The following SORCS1 variants were observed in gnomAD, a reference collection of about 807,000 sequenced individuals.
SORCS1 encodes the protein VPS10 domain-containing receptor SorCS1.
A neutral mutation model predicts 146.1 loss-of-function variants in SORCS1; 60 were observed. That is an observed-to-expected ratio of 0.41 (90% CI 0.33 to 0.51). SORCS1 has a LOEUF of 0.51. Ranked by LOEUF, SORCS1 falls within the 20% of genes least tolerant of loss-of-function variation. The pLI, the probability that SORCS1 is intolerant of heterozygous loss-of-function variation, is 0.21. For synonymous variants in SORCS1, 637 were observed against 584.0 expected (o/e 1.09, Z -1.31); for missense variants, 1,352 against 1,487.6 (o/e 0.91, Z 1.50).
At chr10:106,879,725 T>C (rs1181556988) in intron 2 of SORCS1, among the ~76,000 whole-genome samples, 2 of 152,140 alleles carry the variant, frequency 1.3e-5, no homozygotes, top group East Asian at 3.8e-4. Context: ...CTGTGGGTGG[T>C]GTGAAGGAGC....
chr10:106,749,918 C>T (rs544585632), intron 5 of SORCS1, among the ~76,000 whole-genome samples: 3 of 152,266 alleles, frequency 2.0e-5, no homozygotes, highest in South Asian at 2.1e-4. Context: ...CAATGTCACA[C>T]CCCTTGAAAA....
chr10:107,085,843 G>C (rs1963717215), intron 1 of SORCS1, among the ~76,000 whole-genome samples: 1 of 152,160 alleles, frequency 6.6e-6, no homozygotes, highest in Non-Finnish European at 1.5e-5. Context: ...TTACGCCGAG[G>C]CAACTGCATT....
intron 5 of SORCS1, among the ~76,000 whole-genome samples, chr10:106,741,372 G>C (rs2136107240): frequency 6.6e-6 from 1 of 152,308 alleles, no homozygotes; most frequent in Middle Eastern, 3.4e-3. Flanking sequence ...GCTAAGGCAG[G>C]TGGATTGTTT....
chr10:106,649,532 C>T (rs772008177), intron 18 of SORCS1, among the ~76,000 whole-genome samples: 89 of 152,168 alleles, frequency 5.8e-4, no homozygotes, highest in Non-Finnish European at 1.2e-3. Flanking sequence ...TTTTAAACAC[C>T]TCTGTTTGAT....
At chr10:107,051,373 C>T (rs1276548191) in intron 1 of SORCS1, among the ~76,000 whole-genome samples, 3 of 152,086 alleles carry the variant, frequency 2.0e-5, no homozygotes, top group Non-Finnish European at 4.4e-5. Flanking sequence ...GCCATTTTGT[C>T]AAGTCCATAG....
chr10:106,795,618 C>T (rs565454804), intron 3 of SORCS1, among the ~76,000 whole-genome samples: 1 of 152,270 alleles, frequency 6.6e-6, no homozygotes, highest in South Asian at 2.1e-4. Context: ...TGATCAAATC[C>T]ATAACATTCT....
At chr10:107,148,418 T>A (rs549543726) in intron 1 of SORCS1, among the ~76,000 whole-genome samples, 1 of 152,194 alleles carries the variant, frequency 6.6e-6, no homozygotes, top group Non-Finnish European at 1.5e-5. Flanking sequence ...AGATTTTATA[T>A]CAAATAATTT....
At chr10:107,156,464 T>C (rs1004319944) in intron 1 of SORCS1, among the ~76,000 whole-genome samples, 1 of 152,206 alleles carries the variant, frequency 6.6e-6, no homozygotes, top group African/African-American at 2.4e-5. Context: ...AGCTGTTCAC[T>C]AAATTGGTGG....
chr10:107,143,095 A>G (rs936061604), intron 1 of SORCS1, among the ~76,000 whole-genome samples: 4 of 152,244 alleles, frequency 2.6e-5, no homozygotes, highest in African/African-American at 9.6e-5. Context: ...TTGAGAAAGT[A>G]GGTGTAAAAA....
intron 18 of SORCS1, among the ~76,000 whole-genome samples, chr10:106,640,994 C>T (rs1849037069): frequency 6.6e-6 from 1 of 151,894 alleles, no homozygotes; most frequent in African/African-American, 2.4e-5. Context: ...TGTGCGCGTG[C>T]ATGTGTGTTC....
At position 106,881,448 on chromosome 10, in the gene SORCS1, C is replaced by G. The variant is rs75674082; in HGVS notation, c.627-51775G>C. Among the ~76,000 whole-genome samples, 5 of 152,292 alleles carry G rather than the reference C, an allele frequency of 3.3e-5. No homozygotes were observed. In the East Asian group the frequency reaches 7.7e-4, roughly 23 times the overall value. On this transcript the variant is annotated intron_variant, in intron 2 of 25. Coordinates refer to ENST00000263054, the MANE Select transcript of SORCS1 (RefSeq NM_052918.5). ...AGGTGACAAATATATTCCAAATTGA[C>G]TAATCCCACTCCTGGTCTTTAACCT...
chr10:106,988,333 CAGCTGATAAGAA>C (rs1347590321), intron 1 of SORCS1, among the ~76,000 whole-genome samples: 1 of 152,176 alleles, frequency 6.6e-6, no homozygotes, highest in Non-Finnish European at 1.5e-5. Context: ...ATTCATATAT[CAGCTGATAAGAA>C]GGCTGGTGGA....
At chr10:106,676,771 C>T (rs1199414676) in intron 13 of SORCS1, among the ~76,000 whole-genome samples, 2 of 152,068 alleles carry the variant, frequency 1.3e-5, no homozygotes, top group African/African-American at 2.4e-5. Flanking sequence ...ATTGATCCTC[C>T]TTGTCTTAAA....
chr10:107,107,982 A>G (rs1327438063), intron 1 of SORCS1, among the ~76,000 whole-genome samples: 1 of 152,222 alleles, frequency 6.6e-6, no homozygotes, highest in African/African-American at 2.4e-5. Flanking sequence ...CTGTGGACAG[A>G]GAGGAGGCCT....
intron 1 of SORCS1, among the ~76,000 whole-genome samples, chr10:107,157,713 T>C (rs953787060): frequency 5.3e-5 from 8 of 152,220 alleles, no homozygotes; most frequent in African/African-American, 1.4e-4. Context: ...ATTCTAAACG[T>C]TGCACTCTAA....
chr10:106,754,307 T>A (rs903563461), intron 5 of SORCS1, among the ~76,000 whole-genome samples: 5 of 152,118 alleles, frequency 3.3e-5, no homozygotes, highest in African/African-American at 1.2e-4. Context: ...TTTGCCCAAG[T>A]GAAGCTAAAA....
intron 3 of SORCS1, among the ~76,000 whole-genome samples, chr10:106,791,172 C>T (rs1003519337): frequency 3.9e-5 from 6 of 152,270 alleles, no homozygotes; most frequent in Admixed American, 3.3e-4. Context: ...ACCTGCTTTT[C>T]CCACTTTAAA....
At chr10:107,051,705 G>A (rs1483056539) in intron 1 of SORCS1, among the ~76,000 whole-genome samples, 1 of 152,032 alleles carries the variant, frequency 6.6e-6, no homozygotes, top group Non-Finnish European at 1.5e-5. Flanking sequence ...ATTTGTACTG[G>A]CTTGCATGTC....
At chr10:107,086,260 A>G (rs1424957732) in intron 1 of SORCS1, among the ~76,000 whole-genome samples, 1 of 152,186 alleles carries the variant, frequency 6.6e-6, no homozygotes, top group African/African-American at 2.4e-5. Flanking sequence ...TACAGATGCA[A>G]AATTAATCCA....
Sources: gnomAD v4.1 joint callset for allele counts (sites outside exome capture counted in the v4.1 genomes callset) on GRCh38, gnomAD v4.1.1 for gene constraint, MANE v1.5 for transcripts, NCBI Gene and HGNC (gene_info 2026-07-23, HGNC 2026-07-21) for gene names.